The following LMO7 variants were observed in gnomAD, a reference collection of about 807,000 sequenced individuals.
The protein encoded by LMO7 is LIM domain 7.
In LMO7, 120 loss-of-function variants were observed where a neutral mutation model predicts 206.5. The observed-to-expected ratio is 0.58, with a 90% CI of 0.50 to 0.68. LMO7 has a LOEUF of 0.68. LMO7 is among the 30% of genes least tolerant of loss of function. The pLI is 0.00. For missense variants in LMO7, 1,959 were observed against 1,957.9 expected, an observed-to-expected ratio of 1.00 and a Z score of -0.01; for synonymous variants, 706 against 681.5, an observed-to-expected ratio of 1.04 and a Z score of -0.56.
intron 26 of LMO7, 138 bp downstream of exon 26, chr13:75,845,517 T>C: frequency 1.8e-6 from 1 of 549,442 alleles, no homozygotes; most frequent in African/African-American, 2.0e-5. Context: ...TTAACCTCTG[T>C]ATATAAAAAC....
chr13:75,802,326 C>T (rs1466270582), intron 7 of LMO7, among the ~76,000 whole-genome samples: 1 of 152,124 alleles, frequency 6.6e-6, no homozygotes, highest in Non-Finnish European at 1.5e-5. Context: ...TTTTCATAGC[C>T]CAGATGACGA....
intron 4 of LMO7, among the ~76,000 whole-genome samples, chr13:75,788,044 G>A (rs757080281): frequency 1.4e-4 from 22 of 152,164 alleles, no homozygotes; most frequent in Non-Finnish European, 2.4e-4. Flanking sequence ...CAAGAAGCCA[G>A]TACCTGATAT....
intron 2 of LMO7, among the ~76,000 whole-genome samples, chr13:75,719,351 A>G (rs1345653028): frequency 6.6e-6 from 1 of 152,144 alleles, no homozygotes; most frequent in African/African-American, 2.4e-5. Context: ...TTCATTCATC[A>G]AATGAAGGCC....
intron 4 of LMO7, among the ~76,000 whole-genome samples, chr13:75,794,958 C>G (rs2053775765): frequency 6.6e-6 from 1 of 152,016 alleles, no homozygotes. Flanking sequence ...CCCATCAGTG[C>G]AAAAAACCCC....
chr13:75,830,734 T>G (rs895319505), intron 15 of LMO7, among the ~76,000 whole-genome samples: 3 of 152,324 alleles, frequency 2.0e-5, no homozygotes, highest in Middle Eastern at 3.4e-3. Context: ...TCCAATCTAA[T>G]AGAACAGTGA....
intron 15 of LMO7, among the ~76,000 whole-genome samples, chr13:75,831,313 G>A (rs1022873736): frequency 2.6e-5 from 4 of 152,090 alleles, no homozygotes; most frequent in African/African-American, 9.7e-5. Flanking sequence ...GTTTCCCAAA[G>A]TGCTAAGTAT....
intron 2 of LMO7, among the ~76,000 whole-genome samples, chr13:75,625,511 CT>C (rs2033933276): frequency 6.6e-6 from 1 of 152,138 alleles, no homozygotes; most frequent in East Asian, 1.9e-4. Flanking sequence ...GCAGGGCTTC[CT>C]CTCCAGTTGA....
intron 1 of LMO7, among the ~76,000 whole-genome samples, chr13:75,640,325 A>C (rs375123862): frequency 2.3e-4 from 35 of 152,262 alleles, no homozygotes; most frequent in Non-Finnish European, 4.6e-4. Context: ...TAGTTGTACC[A>C]GTTAAATGGA....
At chr13:75,805,864 T>A (rs1289431443) in intron 9 of LMO7, 104 bp downstream of exon 9, 19 of 1,263,048 alleles carry the variant, frequency 1.5e-5, no homozygotes, top group Non-Finnish European at 1.1e-6. Context: ...AGAGAAAGTC[T>A]AATTAGTTCT....
chr13:75,684,801 G>C (rs893401229), intron 1 of LMO7, among the ~76,000 whole-genome samples: 4 of 150,060 alleles, frequency 2.7e-5, no homozygotes, highest in Non-Finnish European at 5.9e-5. Context: ...ATATATGTGT[G>C]TGTGTGTATA....
chr13:75,848,407 A>T lies in LMO7; in HGVS notation c.4151-672A>T, dbSNP rs555991225. ...AAATGCCATTAATTCATTCCTTTTT[A>T]TGGCTGAGTAGTATTCCATGCGATT... is the stretch of plus-strand genomic sequence containing the variant. On this transcript the variant is annotated intron_variant, in intron 26 of 30. Coordinates refer to ENST00000377534, the MANE Select transcript of LMO7 (RefSeq NM_001306080.2). Among the ~76,000 whole-genome samples, 16 of 150,608 alleles carry T rather than the reference A, an allele frequency of 1.1e-4. No individual in the cohort carries two copies. The East Asian group carries it at 2.9e-3, about 28-fold the overall frequency.
chr13:75,771,579 C>CAGAATTTTTAAAGACTTTAAAACA (rs2049721494), intron 4 of LMO7, among the ~76,000 whole-genome samples: 1 of 152,096 alleles, frequency 6.6e-6, no homozygotes, highest in Admixed American at 6.6e-5. Context: ...ACTTTAAAAA[C>CAGAATTTTTAAAGACTTTAAAACA]AGAATTAGTA....
intron 18 of LMO7, 76 bp downstream of exon 18, chr13:75,835,415 T>C (rs778787736): frequency 4.4e-6 from 4 of 914,998 alleles, no homozygotes; most frequent in Admixed American, 5.9e-5. Flanking sequence ...AGAAAATAAT[T>C]TCTTTTGTTT....
intron 11 of LMO7, among the ~76,000 whole-genome samples, chr13:75,813,855 T>C (rs2056704788): frequency 6.6e-6 from 1 of 152,214 alleles, no homozygotes; most frequent in East Asian, 1.9e-4. Flanking sequence ...ATTAAAATAT[T>C]AGCATCCTTT....
At chr13:75,648,567 C>T (rs1408810183) in intron 1 of LMO7, among the ~76,000 whole-genome samples, 2 of 152,206 alleles carry the variant, frequency 1.3e-5, no homozygotes, top group Admixed American at 6.5e-5. Flanking sequence ...CTGCCTCCGT[C>T]TTACTCATTT....
intron 15 of LMO7, among the ~76,000 whole-genome samples, chr13:75,831,682 A>T (rs1289064963): frequency 6.6e-6 from 1 of 152,128 alleles, no homozygotes; most frequent in Non-Finnish European, 1.5e-5. Flanking sequence ...AGGCAACCTC[A>T]CTTTATAACA....
intron 2 of LMO7, among the ~76,000 whole-genome samples, chr13:75,629,033 GT>G (rs555933817): frequency 3.9e-5 from 6 of 152,314 alleles, no homozygotes; most frequent in Admixed American, 3.3e-4. Context: ...AACGTTTTTG[GT>G]TATTACTTCT....
Position 75,811,238 on chromosome 13 carries a change from T to A in LMO7, c.1946+2055T>A, listed in dbSNP as rs191563088. 3.2e-4 allele frequency among the ~76,000 whole-genome samples: 46 copies of A among 144,718 alleles called. No individual in the cohort carries two copies. In the East Asian group the frequency reaches 8.2e-3, roughly 26 times the overall value. 94.9% of individuals were successfully genotyped at this position (144,718 alleles called of 152,430 possible). On this transcript the variant is annotated intron_variant, in intron 11 of 30. Coordinates refer to ENST00000377534, the MANE Select transcript of LMO7 (RefSeq NM_001306080.2). ...TTTTTTTTTTTTTTAAGAGATGGAG[T>A]CTTGCTATGTTGCCCAGGCTGGTCT...
At chr13:75,813,889 G>C (rs2056711912) in intron 11 of LMO7, among the ~76,000 whole-genome samples, 2 of 152,130 alleles carry the variant, frequency 1.3e-5, no homozygotes. Flanking sequence ...TGGAGTTTAT[G>C]TAATCTCATG....
Sources: allele counts gnomAD v4.1 joint callset (sites outside exome capture counted in the v4.1 genomes callset), GRCh38; gene constraint gnomAD v4.1.1; transcripts MANE v1.5; gene names NCBI Gene and HGNC (gene_info 2026-07-23, HGNC 2026-07-21).